The following CNOT6 variants were observed in gnomAD, a reference collection of about 807,000 sequenced individuals.
CNOT6 encodes the protein carbon catabolite repression 4 protein.
In CNOT6, 12 loss-of-function variants were observed where a neutral mutation model predicts 61.2. The ratio of observed to expected loss-of-function variants is 0.20; its 90% confidence interval spans 0.13 to 0.32. The LOEUF (loss-of-function observed/expected upper bound fraction) is 0.32, where lower values mean the gene tolerates loss of function less well. Among genes scored for constraint, CNOT6 ranks in the 10% least tolerant of loss-of-function variants. The pLI is 1.00. For synonymous variants in CNOT6, 225 were observed against 240.6 expected (o/e 0.94, Z 0.60); for missense variants, 405 against 663.9 (o/e 0.61, Z 4.28).
intron 1 of CNOT6, among the ~76,000 whole-genome samples, chr5:180,525,538 CA>C (rs56234526): frequency 0.045 from 3,771 of 83,394 alleles, 44 homozygotes; most frequent in Non-Finnish European, 0.055. Flanking sequence ...GACCCTGTCT[CA>C]AAAAAAAAAA....
At chr5:180,535,465 A>G (rs1758636064) in intron 2 of CNOT6, among the ~76,000 whole-genome samples, 1 of 152,196 alleles carries the variant, frequency 6.6e-6, no homozygotes, top group South Asian at 2.1e-4. Flanking sequence ...AGTTCTGTCC[A>G]GGTTGCTGCA....
intron 4 of CNOT6, among the ~76,000 whole-genome samples, chr5:180,556,229 A>C (rs1304806235): frequency 6.6e-6 from 1 of 152,210 alleles, no homozygotes; most frequent in Non-Finnish European, 1.5e-5. Context: ...AACTCATAGA[A>C]GTAGAGTGTA....
chr5:180,499,957 CG>C (rs1370992727), intron 1 of CNOT6, among the ~76,000 whole-genome samples: 11 of 152,064 alleles, frequency 7.2e-5, no homozygotes, highest in Non-Finnish European at 1.6e-4. Flanking sequence ...CAGTTCAGTT[CG>C]GCTGGGTGCA....
At chr5:180,523,125 T>A (rs1410139540) in intron 1 of CNOT6, among the ~76,000 whole-genome samples, 1 of 152,170 alleles carries the variant, frequency 6.6e-6, no homozygotes, top group Non-Finnish European at 1.5e-5. Flanking sequence ...CTCAGGTGTG[T>A]GGTATATGCT....
intron 1 of CNOT6, among the ~76,000 whole-genome samples, chr5:180,528,916 T>C (rs1319879247): frequency 7.2e-5 from 11 of 152,182 alleles, no homozygotes; most frequent in Non-Finnish European, 5.9e-5. Flanking sequence ...GGTGTCCACT[T>C]TTAAAAGATG....
intron 8 of CNOT6, 51 bp from the exon 9 acceptor site, chr5:180,567,798 T>A: frequency 1.9e-6 from 3 of 1,613,194 alleles, no homozygotes; most frequent in Non-Finnish European, 2.5e-6. Flanking sequence ...AAAGCTAACC[T>A]CTTGGTATTC....
chr5:180,552,509 G>A (rs1262759129), intron 3 of CNOT6, among the ~76,000 whole-genome samples: 3 of 151,872 alleles, frequency 2.0e-5, no homozygotes, highest in Non-Finnish European at 4.4e-5. Flanking sequence ...AGCTGGGTGT[G>A]GTGGCAGGCA....
Position 180,577,163 on chromosome 5 carries a change from ATGTGTGTGTGTGTGTGTGTG to A in CNOT6, c.*2977_*2996del, listed in dbSNP as rs1248640861. ...AGATAGGCAGAGAACATCTCCAGAA[ATGTGTGTGTGTGTGTGTGTG>A]TGTGTGTGTGTGTTTAATATGATTT... On this transcript the variant is annotated 3_prime_UTR_variant, in exon 12 of 12. Coordinates refer to ENST00000261951, the MANE Select transcript of CNOT6 (RefSeq NM_001370472.1). 9 of 145,656 alleles carry A rather than the reference ATGTGTGTGTGTGTGTGTGTG, an allele frequency of 6.2e-5. No individual in the cohort carries two copies. The highest frequency in any genetic ancestry group is 2.3e-4 in the African/African-American group (9 of 39,318). 9.0% of individuals were successfully genotyped at this position (145,656 alleles called of 1,614,324 possible).
intron 9 of CNOT6, among the ~76,000 whole-genome samples, chr5:180,568,810 A>C (rs1295168114): frequency 6.6e-6 from 1 of 152,196 alleles, no homozygotes; most frequent in East Asian, 1.9e-4. Flanking sequence ...GTGAGGCTCG[A>C]TTTAGGACAT....
At chr5:180,545,887 G>C (rs984468867) in intron 2 of CNOT6, among the ~76,000 whole-genome samples, 7 of 152,194 alleles carry the variant, frequency 4.6e-5, no homozygotes, top group African/African-American at 1.7e-4. Flanking sequence ...ATCTCAGAGT[G>C]GTTTAAATTT....
rs771337565 is a variant in CNOT6, at chr5:180,574,188, T to C, written c.1662T>C (p.Pro554=). The part of the protein sequence containing the change: ...FLPQVNGIHL[P]GRR ...CCCAAGTCAACGGCATCCACCTTCC[T>C]GGCAGGAGGTAGTCAAGCACCTTCA... The change falls in exon 12 of 12, where the codon CCT becomes CCC. Residue 554 remains proline, a synonymous_variant. Coordinates refer to ENST00000261951, the MANE Select transcript of CNOT6 (RefSeq NM_001370472.1). 15 of 1,613,036 alleles carry C rather than the reference T, an allele frequency of 9.3e-6. No individual in the cohort carries two copies. The highest frequency in any genetic ancestry group is 1.7e-5 in the Admixed American group (1 of 59,996).
intron 2 of CNOT6, among the ~76,000 whole-genome samples, chr5:180,533,201 G>C (rs537388650): frequency 1.3e-4 from 19 of 151,976 alleles, no homozygotes; most frequent in African/African-American, 4.3e-4. Flanking sequence ...GCCTTGGGCA[G>C]GGGAAAGGAG....
chr5:180,516,337 A>C (rs1230566190), intron 1 of CNOT6, among the ~76,000 whole-genome samples: 1 of 151,482 alleles, frequency 6.6e-6, no homozygotes, highest in Non-Finnish European at 1.5e-5. Context: ...ATGCCACCAC[A>C]CCCGGCTAAT....
intron 4 of CNOT6, among the ~76,000 whole-genome samples, chr5:180,563,401 CT>C (rs1561663029): frequency 9.2e-5 from 1 of 10,820 alleles, no homozygotes; most frequent in African/African-American, 3.3e-4. Flanking sequence ...TTTGTTTTTG[CT>C]TTTTTTTTCT....
intron 2 of CNOT6, among the ~76,000 whole-genome samples, chr5:180,543,792 G>A (rs1330029200): frequency 2.6e-5 from 4 of 151,908 alleles, no homozygotes; most frequent in African/African-American, 7.3e-5. Context: ...TTATTACTGA[G>A]TTTGAAGATT....
At chr5:180,549,476 C>T (rs150866800) in intron 2 of CNOT6, among the ~76,000 whole-genome samples, 33 of 152,078 alleles carry the variant, frequency 2.2e-4, no homozygotes, top group South Asian at 6.2e-4. Context: ...CGTGAAACCC[C>T]GTCTCTACTA....
intron 1 of CNOT6, among the ~76,000 whole-genome samples, chr5:180,528,719 T>C (rs1006019651): frequency 6.6e-6 from 1 of 152,210 alleles, no homozygotes; most frequent in Non-Finnish European, 1.5e-5. Context: ...ATTTTTCTGA[T>C]GTTCAGATTG....
At chr5:180,568,704 T>C (rs1042324784) in intron 9 of CNOT6, among the ~76,000 whole-genome samples, 1 of 152,078 alleles carries the variant, frequency 6.6e-6, no homozygotes, top group Non-Finnish European at 1.5e-5. Context: ...TGAGGAACAG[T>C]TGGAACTGGA....
chr5:180,507,957 T>C (rs1757203442), intron 1 of CNOT6, among the ~76,000 whole-genome samples: 1 of 152,158 alleles, frequency 6.6e-6, no homozygotes, highest in South Asian at 2.1e-4. Context: ...GCCACCCCTG[T>C]AATCCAGTCA....
Sources: allele counts gnomAD v4.1 joint callset (sites outside exome capture counted in the v4.1 genomes callset), GRCh38; gene constraint gnomAD v4.1.1; transcripts MANE v1.5; gene names NCBI Gene and HGNC (gene_info 2026-07-23, HGNC 2026-07-21).